The following TANGO2 variants were observed in gnomAD, a reference collection of about 807,000 sequenced individuals.
TANGO2 encodes transport and golgi organization 2 homolog.
Under a neutral mutation model 39.1 loss-of-function variants are expected in TANGO2, and 26 were observed. The observed-to-expected ratio is 0.67, with a 90% CI of 0.49 to 0.92. The LOEUF (loss-of-function observed/expected upper bound fraction) is 0.92, where lower values mean the gene tolerates loss of function less well. TANGO2 is among the 40% of genes least tolerant of loss of function. The pLI is 0.00. For missense variants in TANGO2, 326 were observed against 360.1 expected, an observed-to-expected ratio of 0.91 and a Z score of 0.77; for synonymous variants, 131 against 144.5, an observed-to-expected ratio of 0.91 and a Z score of 0.67.
chr22:20,027,644 G>A (rs1601842111), intron 1 of TANGO2, among the ~76,000 whole-genome samples: 1 of 151,730 alleles, frequency 6.6e-6, no homozygotes, highest in East Asian at 1.9e-4. Context: ...GTCTTGCCTT[G>A]TCACCCAGGC....
chr22:20,060,206 A>G (rs2147767704), intron 6 of TANGO2, among the ~76,000 whole-genome samples: 1 of 152,114 alleles, frequency 6.6e-6, no homozygotes, highest in Admixed American at 6.5e-5. Flanking sequence ...AAAATTATCC[A>G]GGCGTGGTGG....
intron 7 of TANGO2, 103 bp downstream of exon 7, chr22:20,061,786 C>G: frequency 7.2e-7 from 1 of 1,391,026 alleles, no homozygotes; most frequent in Non-Finnish European, 9.5e-7. Context: ...AGTGGCCAGG[C>G]TGGGTCCCCA....
chr22:20,054,068 AG>A (rs747396562), intron 5 of TANGO2: 1 of 284,364 alleles, frequency 3.5e-6, no homozygotes, highest in Non-Finnish European at 6.9e-6. Flanking sequence ...CTGCCAGGAC[AG>A]GCAAACGGGA....
intron 4 of TANGO2, 35 bp downstream of exon 4, chr22:20,052,619 G>T: frequency 6.5e-7 from 1 of 1,545,384 alleles, no homozygotes; most frequent in Non-Finnish European, 8.7e-7. Flanking sequence ...GGTGAGACAG[G>T]GTGGGGTGGG....
chr22:20,019,563 A>G (rs1450077822), upstream of TANGO2, among the ~76,000 whole-genome samples: 1 of 152,234 alleles, frequency 6.6e-6, no homozygotes, highest in Non-Finnish European at 1.5e-5. Context: ...ACAGAACAGG[A>G]TGCAAACCAC....
At chr22:20,056,509 A>G (rs945110089) in intron 6 of TANGO2, 2 of 457,120 alleles carry the variant, frequency 4.4e-6, no homozygotes, top group Non-Finnish European at 8.8e-6. Context: ...GCGCCAGGTC[A>G]CACTCCACGG....
At chr22:20,036,518 G>A (rs1475284066) in intron 1 of TANGO2, among the ~76,000 whole-genome samples, 1 of 152,194 alleles carries the variant, frequency 6.6e-6, no homozygotes, top group East Asian at 1.9e-4. Flanking sequence ...CTGATGGGAT[G>A]CTTCTGTTCA....
At chr22:20,061,456 T>C in intron 6 of TANGO2, 74 bp from the exon 7 acceptor site, 1 of 1,487,064 alleles carries the variant, frequency 6.7e-7, no homozygotes. Context: ...CCGTGTTAGG[T>C]GGGTGGCAGG....
intron 4 of TANGO2, among the ~76,000 whole-genome samples, chr22:20,052,858 G>A (rs879440571): frequency 2.2e-4 from 34 of 152,282 alleles, no homozygotes; most frequent in Admixed American, 3.9e-4. Flanking sequence ...GCTGGGCCCC[G>A]TGGCAGGTGG....
At chr22:20,020,984 C>T (rs1235349584), upstream of TANGO2, 1 of 151,984 alleles carries the variant, frequency 6.6e-6, no homozygotes, top group Non-Finnish European at 1.5e-5. Context: ...ACAGCGCGCC[C>T]AGCCAACGGG....
At chr22:20,024,477 C>A (rs1382485550) in intron 1 of TANGO2, among the ~76,000 whole-genome samples, 2 of 152,216 alleles carry the variant, frequency 1.3e-5, no homozygotes, top group Non-Finnish European at 2.9e-5. Flanking sequence ...TGCTTTCAAG[C>A]TCTGCCCCTG....
intron 1 of TANGO2, among the ~76,000 whole-genome samples, chr22:20,034,386 G>A (rs776860721): frequency 2.0e-5 from 3 of 152,194 alleles, no homozygotes; most frequent in Non-Finnish European, 2.9e-5. Context: ...CTTTCATTAT[G>A]TGGTTCTTTC....
intron 1 of TANGO2, among the ~76,000 whole-genome samples, chr22:20,029,595 G>T (rs930368505): frequency 6.6e-6 from 1 of 152,184 alleles, no homozygotes; most frequent in African/African-American, 2.4e-5. Flanking sequence ...GCCAGGCTTG[G>T]GGGTGTTGAG....
At chr22:20,059,757 G>A (rs1456706862) in intron 6 of TANGO2, among the ~76,000 whole-genome samples, 1 of 152,138 alleles carries the variant, frequency 6.6e-6, no homozygotes, top group Non-Finnish European at 1.5e-5. Context: ...CTAGCTACAA[G>A]TCTCTTATTT....
intron 8 of TANGO2, chr22:20,063,657 C>A: frequency 2.0e-6 from 1 of 510,472 alleles, no homozygotes; most frequent in Non-Finnish European, 3.5e-6. Context: ...AGCCAGTACA[C>A]AGCCACACAG....
chr22:20,047,232 G>GTTTTTTTT (rs113268323), intron 3 of TANGO2, among the ~76,000 whole-genome samples: 1 of 132,350 alleles, frequency 7.6e-6, no homozygotes, highest in Non-Finnish European at 1.6e-5. Flanking sequence ...TGGTTTGTTT[G>GTTTTTTTT]TTTTTTTTTT....
At chr22:20,052,827 G>A (rs1002505676) in intron 4 of TANGO2, among the ~76,000 whole-genome samples, 47 of 152,160 alleles carry the variant, frequency 3.1e-4, no homozygotes, top group Middle Eastern at 3.2e-3. Context: ...CCCAGGTAAG[G>A]GTGGGGACAA....
intron 2 of TANGO2, among the ~76,000 whole-genome samples, chr22:20,038,608 G>A (rs1360088233): frequency 6.6e-6 from 1 of 152,202 alleles, no homozygotes; most frequent in Non-Finnish European, 1.5e-5. Context: ...TTGGCCTCGG[G>A]ATTTCTCTGG....
intron 1 of TANGO2, among the ~76,000 whole-genome samples, chr22:20,029,774 C>T (rs1176907080): frequency 1.3e-5 from 2 of 152,208 alleles, no homozygotes; most frequent in Non-Finnish European, 2.9e-5. Context: ...TGATTAGTTC[C>T]CCGGCCTCCC....
Sources: allele counts gnomAD v4.1 joint callset (sites outside exome capture counted in the v4.1 genomes callset), GRCh38; gene constraint gnomAD v4.1.1; transcripts MANE v1.5; gene names NCBI Gene and HGNC (gene_info 2026-07-23, HGNC 2026-07-21).